GCN1: variants seen among roughly 807,000 people sequenced by gnomAD.
GCN1 encodes the protein GCN1 activator of EIF2AK4, also known as stalled ribosome sensor GCN1.
In GCN1, 90 loss-of-function variants were observed where a neutral mutation model predicts 288.4. The observed-to-expected ratio is 0.31, with a 90% CI of 0.26 to 0.37. The LOEUF is 0.37. Among genes scored for constraint, GCN1 ranks in the 10% least tolerant of loss-of-function variants. The pLI is 1.00. For synonymous variants in GCN1, 1,386 were observed against 1,420.2 expected (o/e 0.98, Z 0.54); for missense variants, 2,586 against 3,419.9 (o/e 0.76, Z 6.08).
At position 120,142,558 on chromosome 12, in the gene GCN1, G is replaced by T; in HGVS notation, c.5778C>A (p.Leu1926=). 1 of 1,614,070 alleles carries T rather than the reference G, an allele frequency of 6.2e-7. No individual in the cohort carries two copies. The highest frequency in any genetic ancestry group is 8.5e-7 in the Non-Finnish European group (1 of 1,180,030). Residue 1926 remains leucine (L), a synonymous_variant, in exon 44 of 58, where the codon CTC becomes CTA. Transcript: ENST00000300648. This position sits in a 1 kb window ranked among gnomAD's most constrained non-coding sequence, Gnocchi z 4.9. ...PRTLREILPT[L]FGLLLGFLAS... ...CCAGGAAACCCAGCAGGAGCCCAAA[G>T]AGAGTGGGTAGGATCTCACGCAAGG...
intron 18 of GCN1, 55 bp from the exon 19 acceptor site, chr12:120,163,314 A>G (rs1299477980): frequency 1.3e-5 from 19 of 1,421,526 alleles, no homozygotes; most frequent in Non-Finnish European, 1.8e-5. Flanking sequence ...GGCTTGGAAC[A>G]CAGGAACCAA....
In GCN1 at chr12:120,178,077, C is replaced by T. The variant is rs1594285954; in HGVS notation, c.661-325G>A. On this transcript the variant is annotated intron_variant, in intron 7 of 57. Transcript: ENST00000300648. Reference sequence around the variant, plus strand: ...TGTTCCTGCCCACAGGCTGCTTCCTCTGCCCAAAATGCTCTGCCTCACCTC... The same window carrying T: ...TGTTCCTGCCCACAGGCTGCTTCCTTTGCCCAAAATGCTCTGCCTCACCTC... Among the ~76,000 whole-genome samples, 9 of 152,288 alleles carry T rather than the reference C, an allele frequency of 5.9e-5. No homozygotes were observed. The South Asian group carries it at 1.9e-3, about 32-fold the overall frequency.
chr12:120,136,772 C>T, intron 50 of GCN1, 40 bp from the exon 51 acceptor site: 2 of 1,480,474 alleles, frequency 1.4e-6, no homozygotes, highest in Non-Finnish European at 1.9e-6. Context: ...ATCTCAAACA[C>T]CCTGGGCCCT....
At chr12:120,160,953 T>C (rs1769302013) in intron 22 of GCN1, among the ~76,000 whole-genome samples, 2 of 152,180 alleles carry the variant, frequency 1.3e-5, no homozygotes, top group African/African-American at 4.8e-5. Context: ...GTGGACAAGC[T>C]GGCCACCTCT....
Position 120,164,331 on chromosome 12 carries a change from C to T in GCN1, c.1848+5G>A. On this transcript the variant is annotated splice_donor_5th_base_variant and intron_variant, in intron 18 of 57. Transcript: ENST00000300648. Reference sequence around the variant, plus strand: ...GCCCCAGTTCTAGAGCCCAGATGCCCTCACCTTGTGAGAACTGAGGACAGT... The same window carrying T: ...GCCCCAGTTCTAGAGCCCAGATGCCTTCACCTTGTGAGAACTGAGGACAGT... The T allele has an allele frequency of 6.2e-7, 1 of 1,611,306 alleles. No individual in the cohort carries two copies. The highest frequency in any genetic ancestry group is 8.5e-7 in the Non-Finnish European group (1 of 1,177,966).
intron 33 of GCN1, among the ~76,000 whole-genome samples, chr12:120,152,149 T>C (rs1877578227): frequency 6.6e-6 from 1 of 151,968 alleles, no homozygotes; most frequent in Non-Finnish European, 1.5e-5. Context: ...ATTGCCTCGG[T>C]CTCCTGAGTA....
At chr12:120,172,332 G>C (rs563986043) in intron 14 of GCN1, among the ~76,000 whole-genome samples, 1 of 152,292 alleles carries the variant, frequency 6.6e-6, no homozygotes, top group African/African-American at 2.4e-5. Context: ...ATGATTCTGA[G>C]CTGGGAGACA....
chr12:120,184,403 C>T (rs747099126), intron 3 of GCN1, among the ~76,000 whole-genome samples, 160 bp from the exon 4 acceptor site: 5 of 152,252 alleles, frequency 3.3e-5, no homozygotes, highest in Admixed American at 6.5e-5. Flanking sequence ...GATAAACTCA[C>T]CTCCTCCTAG....
rs1362703067 is a variant in GCN1 at position 120,176,302 on chromosome 12, C to T, written c.839-85G>A. On this transcript the variant is annotated intron_variant, in intron 9 of 57. Transcript: ENST00000300648. The stretch of plus-strand genomic sequence containing the variant: ...TTGTTCCCCTACTCCCCAGCAAATG[C>T]CACTAGGCCTGCTGTCTGGCCCTTC... The T allele has an allele frequency of 1.2e-5, 10 of 836,656 alleles. No individual in the cohort carries two copies. The African/African-American group carries it at 1.5e-4, about 12-fold the overall frequency. 51.8% of individuals were successfully genotyped at this position (836,656 alleles called of 1,614,324 possible). A position where few individuals can be genotyped will look rare whatever the true frequency, so the allele number is the denominator to read the frequency against.
At chr12:120,167,382 A>T (rs936098789) in intron 16 of GCN1, among the ~76,000 whole-genome samples, 8 of 151,458 alleles carry the variant, frequency 5.3e-5, no homozygotes, top group Admixed American at 5.3e-4. Context: ...AGAATGATGA[A>T]GTTCATTATA....
chr12:120,161,428 G>T, intron 22 of GCN1, 62 bp downstream of exon 22: 2 of 1,067,728 alleles, frequency 1.9e-6, no homozygotes, highest in Non-Finnish European at 2.9e-6. Context: ...AGTGGGAAAA[G>T]CCACCAGCTT....
At position 120,145,346 on chromosome 12, in the gene GCN1, A is replaced by T; in HGVS notation, c.4948-16T>A. 6.4e-7 allele frequency: 1 copy of T among 1,554,152 alleles called. No individual in the cohort carries two copies. Among genetic ancestry groups the T allele is most frequent in the East Asian group, 2.3e-5 (1 of 44,314 alleles). ...GAGCCAAGTCCTGCAACAACACAGG[A>T]GGCGGCTCAGGTGAGGCCCGACTCC... On this transcript the variant is annotated splice_polypyrimidine_tract_variant and intron_variant, in intron 38 of 57. Transcript: ENST00000300648.
chr12:120,149,568 C>T (rs1877472320), intron 36 of GCN1, 38 bp downstream of exon 36: 2 of 1,451,866 alleles, frequency 1.4e-6, no homozygotes, highest in South Asian at 1.1e-5. Context: ...GTTTTCATAA[C>T]AGGAAGCTGG....
At chr12:120,193,325 G>C (rs1055396147) in intron 1 of GCN1, among the ~76,000 whole-genome samples, 8 of 150,594 alleles carry the variant, frequency 5.3e-5, no homozygotes, top group Non-Finnish European at 1.0e-4. Flanking sequence ...TTTTTTTTGA[G>C]ACAGAGTCCC....
intron 42 of GCN1, among the ~76,000 whole-genome samples, chr12:120,143,932 T>C (rs1424016326): frequency 1.3e-5 from 2 of 152,250 alleles, no homozygotes; most frequent in African/African-American, 2.4e-5. Flanking sequence ...ATTCTGCTCT[T>C]CATTTCTCAA....
chr12:120,177,691 T>C lies in GCN1; in HGVS notation c.722A>G (p.Tyr241Cys), dbSNP rs1186570320. ...CGTCCACCTCTCGCTCACCAACAGG[T>C]ACTTCGGAGGCTTGACTTTGCTCAT... ...ILMSKVKPPK[Y>C]LLDSCAPLLR... Residue 241 changes from tyrosine (Y) to cysteine (C), a missense_variant, in exon 8 of 58, where the codon TAC (tyrosine) becomes TGC (cysteine). Physicochemically the swap from Tyr to Cys is radical, Grantham distance 194 (BLOSUM62 -2). Around this residue, in one of 8 missense-constraint regions of GCN1, gnomAD observed 913 missense variants for 1,107.0 expected, o/e 0.82. Coordinates refer to ENST00000300648, the MANE Select transcript of GCN1 (RefSeq NM_006836.2). 1 of 1,612,486 alleles carries C rather than the reference T, an allele frequency of 6.2e-7. No homozygotes were observed. Among genetic ancestry groups the C allele is most frequent in the South Asian group, 1.1e-5 (1 of 91,050 alleles).
intron 2 of GCN1, among the ~76,000 whole-genome samples, chr12:120,188,134 T>G (rs1443802358): frequency 6.6e-6 from 1 of 152,092 alleles, no homozygotes; most frequent in Non-Finnish European, 1.5e-5. Flanking sequence ...CAAGAGGACA[T>G]CAAAAACATG....
Position 120,134,823 on chromosome 12 carries a change from A to C in GCN1, c.7009-97T>G. The C allele has an allele frequency of 9.8e-7, 1 of 1,016,494 alleles. No individual in the cohort carries two copies. The highest frequency in any genetic ancestry group is 1.5e-6 in the Non-Finnish European group (1 of 661,016). The allele number at this position is 1,016,494 out of a possible 1,614,324, so 63.0% of individuals were successfully genotyped here. A position where few individuals can be genotyped will look rare whatever the true frequency, so the allele number is the denominator to read the frequency against. On this transcript the variant is annotated intron_variant, in intron 51 of 57. Coordinates refer to ENST00000300648, the MANE Select transcript of GCN1 (RefSeq NM_006836.2). The surrounding 1 kb of genome is among the most constrained non-coding windows in gnomAD (Gnocchi z 5.0). ...GAACAAATGACAATCCCAAACCACC[A>C]CAGCGAGTCCAGCTCTCATACAGGG...
intron 53 of GCN1, 132 bp from the exon 54 acceptor site, chr12:120,132,154 A>G: frequency 1.5e-6 from 1 of 653,644 alleles, no homozygotes; most frequent in African/African-American, 1.8e-5. Flanking sequence ...GAGACTCAAG[A>G]TCCAGTCCTT....
Sources: gnomAD v4.1 joint callset for allele counts (sites outside exome capture counted in the v4.1 genomes callset) on GRCh38, gnomAD v4.1.1 for gene constraint, gnomAD v4.1.1 regional missense constraint, Gnocchi (gnomAD v3.1) non-coding constraint, MANE v1.5 for transcripts, NCBI Gene and HGNC (gene_info 2026-07-23, HGNC 2026-07-21) for gene names.